Variants in PIGR observed in about 807,000 individuals in gnomAD.
PIGR encodes polymeric immunoglobulin receptor.
Under a neutral mutation model 69.5 loss-of-function variants are expected in PIGR, and 22 were observed. That is an observed-to-expected ratio of 0.32 (90% CI 0.23 to 0.45). The LOEUF is 0.45. Among genes scored for constraint, PIGR ranks in the 20% least tolerant of loss-of-function variants. PIGR has a pLI of 1.00. For missense variants in PIGR, 885 were observed against 974.0 expected, an observed-to-expected ratio of 0.91 and a Z score of 1.22; for synonymous variants, 413 against 407.6, an observed-to-expected ratio of 1.01 and a Z score of -0.16.
At position 206,929,278 on chromosome 1, in the gene PIGR, T is replaced by G. The variant is rs1449733473; in HGVS notation, c.*1040A>C. The G allele has an allele frequency of 6.6e-6, 1 of 152,024 alleles. No homozygotes were observed. The highest frequency in any genetic ancestry group is 1.5e-5 in the Non-Finnish European group (1 of 68,090). The allele number at this position is 152,024 out of a possible 1,614,324, so 9.4% of individuals were successfully genotyped here. Reference sequence around the variant, plus strand: ...AAAGAAAAAAAGAGGCCGGACGCGGTGGCTCACGCCTGTAATCCCAGCACT... The same window carrying G: ...AAAGAAAAAAAGAGGCCGGACGCGGGGGCTCACGCCTGTAATCCCAGCACT... On this transcript the variant is annotated 3_prime_UTR_variant, in exon 11 of 11. Coordinates refer to ENST00000356495, the MANE Select transcript of PIGR (RefSeq NM_002644.4).
At position 206,939,391 on chromosome 1, in the gene PIGR, G is replaced by C. The variant is rs762988342; in HGVS notation, c.116C>G (p.Thr39Arg). 1 of 1,614,182 alleles carries C rather than the reference G, an allele frequency of 6.2e-7. No individual in the cohort carries two copies. The highest frequency in any genetic ancestry group is 8.5e-7 in the Non-Finnish European group (1 of 1,180,020). Residue 39 changes from threonine to arginine, a missense_variant, in exon 3 of 11, where the codon ACG (threonine) becomes AGG (arginine). Physicochemically the swap from Thr to Arg is moderately conservative, Grantham distance 71. Transcript: ENST00000356495. ...NSVEGNSVSI[T>R]CYYPPTSVNR... ...GACAGAGGTGGGTGGGTAGTAGCACGTGATGGACACTGAGTTACCTTCCAC... is the reference window on the plus strand; with the variant it reads ...GACAGAGGTGGGTGGGTAGTAGCACCTGATGGACACTGAGTTACCTTCCAC...
At position 206,935,470 on chromosome 1, in the gene PIGR, C is replaced by A; in HGVS notation, c.1378+16G>T. 1 of 1,594,244 alleles carries A rather than the reference C, an allele frequency of 6.3e-7. No homozygotes were observed. Among genetic ancestry groups the A allele is most frequent in the South Asian group, 1.1e-5 (1 of 90,002 alleles). On this transcript the variant is annotated intron_variant, in intron 5 of 10. Coordinates refer to ENST00000356495, the MANE Select transcript of PIGR (RefSeq NM_002644.4). This position sits in a 1 kb window ranked among gnomAD's most constrained non-coding sequence, Gnocchi z 4.4. ...GGAGAGGTTTTAGAGCTTTCTCCCTCCCTGTCAACTCCTACCTTCGATAAT... is the reference window on the plus strand; with the variant it reads ...GGAGAGGTTTTAGAGCTTTCTCCCTACCTGTCAACTCCTACCTTCGATAAT...
chr1:206,930,200 G>A lies in PIGR; in HGVS notation c.*118C>T. The A allele has an allele frequency of 1.3e-6, 1 of 799,970 alleles. No homozygotes were observed. Among genetic ancestry groups the A allele is most frequent in the African/African-American group, 1.7e-5 (1 of 57,522 alleles). 49.6% of individuals were successfully genotyped at this position (799,970 alleles called of 1,614,324 possible). Reference sequence around the variant, plus strand: ...GACCAGCACGCCTCTGAGGACAGTAGGAAAAACCTAGGCAGGTGTTAGAGC... The same window carrying A: ...GACCAGCACGCCTCTGAGGACAGTAAGAAAAACCTAGGCAGGTGTTAGAGC... On this transcript the variant is annotated 3_prime_UTR_variant, in exon 11 of 11. Transcript: ENST00000356495. The surrounding 1 kb of genome is among the most constrained non-coding windows in gnomAD (Gnocchi z 4.3).
chr1:206,931,066 G>T (rs907844530), intron 10 of PIGR: 1 of 985,254 alleles, frequency 1.0e-6, no homozygotes, highest in Admixed American at 6.2e-5. Context: ...ACTGCCCACC[G>T]CAAGCAAATG....
In PIGR at chr1:206,935,617, A is replaced by G; in HGVS notation, c.1247T>C (p.Leu416Pro). ...GAAGGTGCCGTTGCCTGGCTCCTCC[A>G]GCAGGGAGAGGCGGCCCTCGTACTG... ...KAQYEGRLSL[L>P]EEPGNGTFTV... The change falls in exon 5 of 11, where the codon CTG (leucine) becomes CCG (proline). Residue 416 changes from leucine (L) to proline (P), a missense_variant. By Grantham distance (98) the Leu-to-Pro change is moderately conservative. Transcript: ENST00000356495. The surrounding 1 kb of genome is among the most constrained non-coding windows in gnomAD (Gnocchi z 4.4). The G allele has an allele frequency of 1.2e-6, 2 of 1,614,180 alleles. No individual in the cohort carries two copies. The highest frequency in any genetic ancestry group is 1.7e-6 in the Non-Finnish European group (2 of 1,180,012).
At position 206,939,257 on chromosome 1, in the gene PIGR, G is replaced by A. The variant is rs1484459506; in HGVS notation, c.250C>T (p.Leu84Phe). 6.2e-7 allele frequency: 1 copy of A among 1,614,124 alleles called. No homozygotes were observed. Among genetic ancestry groups the A allele is most frequent in the African/African-American group, 1.3e-5 (1 of 74,938 alleles). Residue 84 changes from leucine (L) to phenylalanine (F), a missense_variant, in exon 3 of 11, where the codon CTC becomes TTC. Physicochemically the swap from Leu to Phe is conservative, Grantham distance 22. Transcript: ENST00000356495. Reference protein sequence around the residue: ...VSSKYAGRANLTNFPENGTFV... With the variant: ...VSSKYAGRANFTNFPENGTFV... ...GTGCCGTTCTCCGGGAAGTTGGTGA[G>A]GTTAGCCCTGCCTGCATATTTGCTG...
intron 10 of PIGR, chr1:206,931,058 T>G (rs1679729727): frequency 1.0e-6 from 1 of 985,264 alleles, no homozygotes; most frequent in South Asian, 4.7e-5. Flanking sequence ...AGCCTCAAAC[T>G]GCCCACCGCA....
At chr1:206,942,957 A>T (rs1471035878) in intron 1 of PIGR, among the ~76,000 whole-genome samples, 1 of 152,192 alleles carries the variant, frequency 6.6e-6, no homozygotes, top group East Asian at 1.9e-4. Flanking sequence ...GCCCAAAGCT[A>T]AAACTTGAAG....
chr1:206,929,583 C>T lies in PIGR; in HGVS notation c.*735G>A, dbSNP rs1451121441. Reference sequence around the variant, plus strand: ...AGAAAAAGAAAAACGCTTCACTCTTCCAAACCTCAATTTTCTTATGTGTGA... The same window carrying T: ...AGAAAAAGAAAAACGCTTCACTCTTTCAAACCTCAATTTTCTTATGTGTGA... On this transcript the variant is annotated 3_prime_UTR_variant, in exon 11 of 11. Coordinates refer to ENST00000356495, the MANE Select transcript of PIGR (RefSeq NM_002644.4). 1 of 152,086 alleles carries T rather than the reference C, an allele frequency of 6.6e-6. No homozygotes were observed. Among genetic ancestry groups the T allele is most frequent in the East Asian group, 1.9e-4 (1 of 5,194 alleles). 9.4% of individuals were successfully genotyped at this position (152,086 alleles called of 1,614,324 possible).
intron 7 of PIGR, 58 bp downstream of exon 7, chr1:206,932,928 C>A: frequency 1.3e-6 from 2 of 1,565,336 alleles, no homozygotes; most frequent in South Asian, 1.1e-5. Flanking sequence ...GGTGGCCCAG[C>A]CTCAGGTGCT....
In PIGR at chr1:206,934,445, C is replaced by A. The variant is rs1558012555; in HGVS notation, c.1680G>T (p.Val560=). 3 of 1,613,926 alleles carry A rather than the reference C, an allele frequency of 1.9e-6. No homozygotes were observed. Among genetic ancestry groups the A allele is most frequent in the Non-Finnish European group, 1.7e-6 (2 of 1,179,840 alleles). Residue 560 remains valine, a synonymous_variant, in exon 6 of 11, where the codon GTG becomes GTT. Coordinates refer to ENST00000356495, the MANE Select transcript of PIGR (RefSeq NM_002644.4). Reference sequence around the variant, plus strand: ...CCGCTGCCTTCCTCTCTTCAACTGCCACATAGACGGCTGCAGTCTCTCCAT... The same window carrying A: ...CCGCTGCCTTCCTCTCTTCAACTGCAACATAGACGGCTGCAGTCTCTCCAT... The part of the protein sequence containing the change: ...HFYGETAAVY[V]AVEERKAAGS...
rs368759656 is a variant in PIGR at position 206,931,923 on chromosome 1, TCTGA to T, written c.2009-125_2009-122del. The stretch of plus-strand genomic sequence containing the variant: ...TGCAGGACAGCTGAGGTGGTGCAGC[TCTGA>T]CTATGACCCAGGGGGATGGAAATGA... On this transcript the variant is annotated intron_variant, in intron 8 of 10. Transcript: ENST00000356495. 2.5e-4 allele frequency: 274 copies of T among 1,075,976 alleles called. 2 individuals carry two copies. In the African/African-American group the frequency reaches 3.6e-3, roughly 14 times the overall value. 66.7% of individuals were successfully genotyped at this position (1,075,976 alleles called of 1,614,324 possible).
At chr1:206,943,540 G>A (rs1352973404) in intron 1 of PIGR, among the ~76,000 whole-genome samples, 1 of 152,168 alleles carries the variant, frequency 6.6e-6, no homozygotes, top group Non-Finnish European at 1.5e-5. Flanking sequence ...ATTGTGGATT[G>A]GGGCAGGAGT....
chr1:206,934,382 G>T, intron 6 of PIGR, 38 bp downstream of exon 6: 1 of 1,554,912 alleles, frequency 6.4e-7, no homozygotes, highest in South Asian at 1.2e-5. Flanking sequence ...TCCTGCCTCT[G>T]GGTCTGAGGG....
intron 1 of PIGR, among the ~76,000 whole-genome samples, chr1:206,944,175 T>A (rs1680053804): frequency 6.6e-6 from 1 of 152,224 alleles, no homozygotes; most frequent in South Asian, 2.1e-4. Flanking sequence ...AAGGCAGTTC[T>A]TATAAGGAGA....
intron 8 of PIGR, 103 bp from the exon 9 acceptor site, chr1:206,931,905 C>A: frequency 7.7e-7 from 1 of 1,297,768 alleles, no homozygotes; most frequent in South Asian, 1.2e-5. Flanking sequence ...CCCTGCAGGA[C>A]AGCTGAGGTG....
rs1173780418 is a variant in PIGR at position 206,935,702 on chromosome 1, C to T, written c.1162G>A (p.Glu388Lys). 1.2e-6 allele frequency: 2 copies of T among 1,614,094 alleles called. No individual in the cohort carries two copies. The highest frequency in any genetic ancestry group is 1.7e-6 in the Non-Finnish European group (2 of 1,180,014). Residue 388 changes from glutamate to lysine, a missense_variant, in exon 5 of 11, where the codon GAA becomes AAA. By Grantham distance (56) the Glu-to-Lys change is moderately conservative. Coordinates refer to ENST00000356495, the MANE Select transcript of PIGR (RefSeq NM_002644.4). The surrounding 1 kb of genome is among the most constrained non-coding windows in gnomAD (Gnocchi z 4.4). ...GGGCAGCGGCCATTCTGGGCCCCTT[C>T]CCAGAGACACCAGTACTTGATGCTT... The part of the protein sequence containing the change: ...SKSIKYWCLW[E>K]GAQNGRCPLL...
chr1:206,930,735 A>C lies in PIGR; in HGVS notation c.2200-322T>G, dbSNP rs557080880. The stretch of plus-strand genomic sequence containing the variant: ...GGCAAGGTGGCCTAGGCTGGGGTCA[A>C]CCACGGTGGTGTATGTTTTTCTTTC... On this transcript the variant is annotated intron_variant, in intron 10 of 10. Transcript: ENST00000356495. This position sits in a 1 kb window ranked among gnomAD's most constrained non-coding sequence, Gnocchi z 4.3. 6.1e-6 allele frequency: 6 copies of C among 985,426 alleles called. No homozygotes were observed. The Admixed American group carries it at 3.7e-4, about 61-fold the overall frequency. The allele number at this position is 985,426 out of a possible 1,614,324, so 61.0% of individuals were successfully genotyped here.
intron 3 of PIGR, among the ~76,000 whole-genome samples, chr1:206,938,208 A>G (rs566736040): frequency 2.0e-5 from 3 of 152,354 alleles, no homozygotes; most frequent in Admixed American, 6.5e-5. Flanking sequence ...TCTAAAAATT[A>G]CAAGAGTCTA....
Sources: gnomAD v4.1 joint callset for allele counts (sites outside exome capture counted in the v4.1 genomes callset) on GRCh38, gnomAD v4.1.1 for gene constraint, Gnocchi (gnomAD v3.1) non-coding constraint, MANE v1.5 for transcripts, NCBI Gene and HGNC (gene_info 2026-07-23, HGNC 2026-07-21) for gene names.